CNTN4: variants seen among roughly 807,000 people sequenced by gnomAD.
The protein encoded by CNTN4 is contactin 4, also known as contactin-4.
A neutral mutation model predicts 122.5 loss-of-function variants in CNTN4; 77 were observed. That is an observed-to-expected ratio of 0.63 (90% confidence interval 0.52 to 0.76). The LOEUF (loss-of-function observed/expected upper bound fraction) is 0.76, where lower values mean the gene tolerates loss of function less well. CNTN4 is among the 30% of genes least tolerant of loss of function. The probability of loss-of-function intolerance (pLI) is 0.00; values close to 1 mark genes in which losing one functional copy is unlikely to be tolerated. For synonymous variants in CNTN4, 512 were observed against 447.0 expected (o/e 1.15, Z -1.83); for missense variants, 1,256 against 1,259.1 (o/e 1.00, Z 0.04).
intron 12 of CNTN4, 37 bp from the exon 13 acceptor site, chr3:2,925,592 G>A: frequency 6.3e-7 from 1 of 1,599,360 alleles, no homozygotes. Flanking sequence ...ATGGAAGGCT[G>A]TCTTGCATAA....
In CNTN4 at chr3:3,038,714, T is replaced by C. The variant is rs536997426; in HGVS notation, c.2093-219T>C. Among the ~76,000 whole-genome samples the C allele has an allele frequency of 3.9e-5, 6 of 152,318 alleles. No individual in the cohort carries two copies. The East Asian group carries it at 1.2e-3, about 29-fold the overall frequency. On this transcript the variant is annotated intron_variant, in intron 18 of 24. Coordinates refer to ENST00000418658, the MANE Select transcript of CNTN4 (RefSeq NM_175607.3). Reference sequence around the variant, plus strand: ...CGTGTCAGATAACACGTGTGCCTTGTTGAATGGGAAACAGGTAATTAATAG... The same window carrying C: ...CGTGTCAGATAACACGTGTGCCTTGCTGAATGGGAAACAGGTAATTAATAG...
intron 6 of CNTN4, among the ~76,000 whole-genome samples, chr3:2,767,720 T>C (rs1330652779): frequency 6.6e-6 from 1 of 152,194 alleles, no homozygotes; most frequent in Non-Finnish European, 1.5e-5. Flanking sequence ...TCAGATTTTC[T>C]CTATGATCAC....
chr3:2,164,180 G>T (rs968300096), intron 2 of CNTN4, among the ~76,000 whole-genome samples: 1 of 149,856 alleles, frequency 6.7e-6, no homozygotes, highest in Non-Finnish European at 1.5e-5. Context: ...AAATAAAAAA[G>T]AAAAAAAGGA....
At chr3:2,359,061 C>A (rs2150522361) in intron 3 of CNTN4, among the ~76,000 whole-genome samples, 1 of 152,294 alleles carries the variant, frequency 6.6e-6, no homozygotes, top group Non-Finnish European at 1.5e-5. Flanking sequence ...CTTTTCGCCT[C>A]ATCCAAGTAA....
At chr3:2,363,811 A>G (rs1270742407) in intron 3 of CNTN4, among the ~76,000 whole-genome samples, 1 of 152,192 alleles carries the variant, frequency 6.6e-6, no homozygotes, top group Non-Finnish European at 1.5e-5. Context: ...GGTGGTATTG[A>G]TAGCAAGCTT....
intron 23 of CNTN4, among the ~76,000 whole-genome samples, chr3:3,048,040 C>A (rs1482005870): frequency 1.3e-5 from 2 of 152,164 alleles, no homozygotes; most frequent in African/African-American, 4.8e-5. Context: ...GTCACTCCCC[C>A]TTCTTTTTAG....
chr3:2,481,437 A>G lies in CNTN4; in HGVS notation c.-88-89979A>G, dbSNP rs868180444. 5.3e-5 allele frequency among the ~76,000 whole-genome samples: 8 copies of G among 152,228 alleles called. No individual in the cohort carries two copies. In the Middle Eastern group the frequency reaches 0.017, roughly 324 times the overall value. Reference sequence around the variant, plus strand: ...ATTACAGGTGTGAGCCACTGTGCCCAGCCAAGATAGTCTTTTCAATAAATG... The same window carrying G: ...ATTACAGGTGTGAGCCACTGTGCCCGGCCAAGATAGTCTTTTCAATAAATG... On this transcript the variant is annotated intron_variant, in intron 3 of 24. Transcript: ENST00000418658.
rs903067633 is a variant in CNTN4 at position 2,778,083 on chromosome 3, G to A, written c.358+32386G>A. 2.7e-4 allele frequency among the ~76,000 whole-genome samples: 39 copies of A among 144,522 alleles called. 1 individual carries two copies. The highest frequency in any genetic ancestry group is 9.5e-4 in the Admixed American group (14 of 14,740). 94.8% of individuals were successfully genotyped at this position (144,522 alleles called of 152,430 possible). A position where few individuals can be genotyped will look rare whatever the true frequency, so the allele number is the denominator to read the frequency against. The stretch of plus-strand genomic sequence containing the variant: ...CAAAAAATTAGCCGGGCGTGGTGGC[G>A]GGCGCCTGTAGTCCCAGCTACTCAG... On this transcript the variant is annotated intron_variant, in intron 6 of 24. Coordinates refer to ENST00000418658, the MANE Select transcript of CNTN4 (RefSeq NM_175607.3).
intron 2 of CNTN4, among the ~76,000 whole-genome samples, chr3:2,141,855 C>A (rs2035012328): frequency 6.6e-6 from 1 of 152,038 alleles, no homozygotes; most frequent in African/African-American, 2.4e-5. Flanking sequence ...AATGTTTAAA[C>A]CTTTTGACAG....
chr3:2,099,619 G>A (rs1300452084), intron 1 of CNTN4: 3 of 152,710 alleles, frequency 2.0e-5, no homozygotes, highest in Non-Finnish European at 4.4e-5. Context: ...GCGGCGGCGA[G>A]CGACAGGCCA....
chr3:3,042,444 T>C, intron 21 of CNTN4, 22 bp downstream of exon 21: 1 of 1,487,992 alleles, frequency 6.7e-7, no homozygotes, highest in Non-Finnish European at 9.4e-7. Context: ...ATATGTGCCT[T>C]GGGTCTGAAA....
chr3:2,965,172 C>T (rs1037351292), intron 13 of CNTN4, among the ~76,000 whole-genome samples: 1 of 152,174 alleles, frequency 6.6e-6, no homozygotes, highest in African/African-American at 2.4e-5. Context: ...TGATCATCAC[C>T]GTCATACAAA....
In CNTN4 at chr3:3,023,150, G is replaced by A. The variant is rs116726249; in HGVS notation, c.1487-2952G>A. On this transcript the variant is annotated intron_variant, in intron 14 of 24. Coordinates refer to ENST00000418658, the MANE Select transcript of CNTN4 (RefSeq NM_175607.3). ...TCAAAATTCACAACACAGAAAACAA[G>A]AGTACTGAACAAACATACACTTTGA... is the stretch of plus-strand genomic sequence containing the variant. 2.0e-3 allele frequency among the ~76,000 whole-genome samples: 301 copies of A among 152,298 alleles called. 2 individuals are homozygous for A. The highest frequency in any genetic ancestry group is 6.8e-3 in the African/African-American group (283 of 41,558).
At chr3:2,216,261 TATC>T (rs1239181950) in intron 2 of CNTN4, among the ~76,000 whole-genome samples, 2 of 152,210 alleles carry the variant, frequency 1.3e-5, no homozygotes, top group South Asian at 2.1e-4. Flanking sequence ...TGGAGGCTAT[TATC>T]ATCAGCAAAT....
chr3:2,375,488 C>G (rs2045782667), intron 3 of CNTN4, among the ~76,000 whole-genome samples: 1 of 152,138 alleles, frequency 6.6e-6, no homozygotes, highest in Non-Finnish European at 1.5e-5. Flanking sequence ...GCCTAAGCTT[C>G]TCTAGCAGAA....
chr3:2,322,090 G>A (rs2043294632), intron 2 of CNTN4, among the ~76,000 whole-genome samples: 1 of 152,188 alleles, frequency 6.6e-6, no homozygotes. Context: ...ATGCCACAAG[G>A]TCACATAGGA....
chr3:2,227,743 T>C (rs192358355), intron 2 of CNTN4, among the ~76,000 whole-genome samples: 199 of 152,280 alleles, frequency 1.3e-3, no homozygotes, highest in Non-Finnish European at 1.7e-3. Flanking sequence ...TTTGCACCTC[T>C]TCCTGGCAGA....
chr3:2,295,377 G>C (rs534712158), intron 2 of CNTN4, among the ~76,000 whole-genome samples: 2 of 134,636 alleles, frequency 1.5e-5, no homozygotes, highest in South Asian at 2.3e-4. Flanking sequence ...ATTGTAACTG[G>C]TGTGAGATGG....
At chr3:2,531,627 G>A (rs753126783) in intron 3 of CNTN4, among the ~76,000 whole-genome samples, 4 of 152,056 alleles carry the variant, frequency 2.6e-5, no homozygotes, top group African/African-American at 4.8e-5. Flanking sequence ...GCCATTGACC[G>A]CCCTTATTCC....
Sources: allele counts gnomAD v4.1 joint callset (sites outside exome capture counted in the v4.1 genomes callset), GRCh38; gene constraint gnomAD v4.1.1; transcripts MANE v1.5; gene names NCBI Gene and HGNC (gene_info 2026-07-23, HGNC 2026-07-21).